DZIP3: variants seen among roughly 807,000 people sequenced by gnomAD.
The protein encoded by DZIP3 is E3 ubiquitin-protein ligase DZIP3.
DZIP3 carries 118 observed loss-of-function variants against 162.0 expected under a neutral mutation model. The observed-to-expected ratio is 0.73, with a 90% confidence interval of 0.63 to 0.85. The LOEUF (loss-of-function observed/expected upper bound fraction) is 0.85. Ranked by LOEUF, DZIP3 falls within the 40% of genes least tolerant of loss-of-function variation. The pLI is 0.00. For missense variants in DZIP3, 1,331 were observed against 1,407.0 expected, an observed-to-expected ratio of 0.95 and a Z score of 0.86; for synonymous variants, 438 against 458.6, an observed-to-expected ratio of 0.96 and a Z score of 0.57.
At chr3:108,609,080 T>C (rs538148451) in intron 3 of DZIP3, among the ~76,000 whole-genome samples, 6 of 152,098 alleles carry the variant, frequency 3.9e-5, no homozygotes, top group Admixed American at 6.6e-5. Flanking sequence ...ACTCTTATCA[T>C]GCGACAGCAC....
intron 3 of DZIP3, among the ~76,000 whole-genome samples, chr3:108,609,268 T>C (rs1940565209): frequency 6.6e-6 from 1 of 152,108 alleles, no homozygotes; most frequent in African/African-American, 2.4e-5. Context: ...GGGGAAAATA[T>C]ATAAACATAA....
intron 19 of DZIP3, among the ~76,000 whole-genome samples, chr3:108,659,434 C>A (rs1031350025): frequency 5.3e-5 from 8 of 152,174 alleles, no homozygotes; most frequent in African/African-American, 1.9e-4. Flanking sequence ...CAAAATTCAA[C>A]AACGCCTTCA....
At position 108,634,955 on chromosome 3, in the gene DZIP3, C is replaced by T; in HGVS notation, c.901C>T (p.Pro301Ser). The change falls in exon 10 of 33, where the codon CCA (proline) becomes TCA (serine). Residue 301 changes from proline (P) to serine (S), a missense_variant. This residue lies in a region of DZIP3 where 1,278 missense variants were observed against 1,317.1 expected (regional missense o/e 0.97). Coordinates refer to ENST00000361582, the MANE Select transcript of DZIP3 (RefSeq NM_014648.4). Reference sequence around the variant, plus strand: ...GAAAAAGTTCAAGAATTTAAAGTATCCAGGTGAAAATGATCAGGTATTATA... The same window carrying T: ...GAAAAAGTTCAAGAATTTAAAGTATTCAGGTGAAAATGATCAGGTATTATA... ...CWKKFKNLKY[P>S]GENDQSFSGK... is the part of the protein sequence containing the mutation. 1 of 1,602,060 alleles carries T rather than the reference C, an allele frequency of 6.2e-7. No individual in the cohort carries two copies. The highest frequency in any genetic ancestry group is 8.5e-7 in the Non-Finnish European group (1 of 1,171,020).
intron 17 of DZIP3, among the ~76,000 whole-genome samples, chr3:108,649,397 A>C (rs1576415043): frequency 6.6e-6 from 1 of 151,874 alleles, no homozygotes; most frequent in East Asian, 1.9e-4. Context: ...TAATGTGCAC[A>C]AAAAGGTACA....
chr3:108,659,458 C>T (rs1202034198), intron 19 of DZIP3, among the ~76,000 whole-genome samples: 2 of 152,184 alleles, frequency 1.3e-5, no homozygotes, highest in African/African-American at 4.8e-5. Flanking sequence ...TAAAAACTCT[C>T]AATAAATTAG....
chr3:108,639,633 G>A (rs1165259788), intron 12 of DZIP3, among the ~76,000 whole-genome samples: 1 of 150,350 alleles, frequency 6.7e-6, no homozygotes, highest in Non-Finnish European at 1.5e-5. Flanking sequence ...TTTCTCTGTA[G>A]CGATGTCACC....
At chr3:108,624,060 T>C (rs556191098) in intron 5 of DZIP3, among the ~76,000 whole-genome samples, 1 of 152,278 alleles carries the variant, frequency 6.6e-6, no homozygotes, top group African/African-American at 2.4e-5. Flanking sequence ...TTCCTTAATA[T>C]GATGTTCAAA....
intron 26 of DZIP3, among the ~76,000 whole-genome samples, chr3:108,682,807 C>A (rs913710036): frequency 6.6e-6 from 1 of 150,572 alleles, no homozygotes; most frequent in Non-Finnish European, 1.5e-5. Context: ...GATGAATATG[C>A]CAATTACCCT....
chr3:108,671,428 T>G (rs144164342), intron 22 of DZIP3, among the ~76,000 whole-genome samples: 3 of 152,010 alleles, frequency 2.0e-5, no homozygotes, highest in Admixed American at 2.0e-4. Flanking sequence ...TTTGTATGCT[T>G]ATAGAATTCT....
At chr3:108,674,554 C>G (rs1414908971) in intron 24 of DZIP3, among the ~76,000 whole-genome samples, 1 of 151,868 alleles carries the variant, frequency 6.6e-6, no homozygotes, top group Non-Finnish European at 1.5e-5. Context: ...CATACGTGAA[C>G]ACCAGATACT....
At chr3:108,612,592 G>C (rs779996111) in intron 4 of DZIP3, among the ~76,000 whole-genome samples, 6 of 152,050 alleles carry the variant, frequency 3.9e-5, no homozygotes, top group Non-Finnish European at 5.9e-5. Flanking sequence ...AAAAATCCAA[G>C]GATGCCCAAG....
In DZIP3 at chr3:108,661,900, A is replaced by T. The variant is rs746708438; in HGVS notation, c.2223A>T (p.Thr741=). The T allele has an allele frequency of 6.2e-7, 1 of 1,613,986 alleles. No homozygotes were observed. Among genetic ancestry groups the T allele is most frequent in the Admixed American group, 1.7e-5 (1 of 60,026 alleles). The change falls in exon 20 of 33, where the codon ACA becomes ACT. Residue 741 remains threonine, a synonymous_variant. Transcript: ENST00000361582. ...AGGGCTCAGCTGGCAAAGTAACTAC[A>T]GACTATGGAGAAACTGAAAAGGAAA... ...IEQGSAGKVT[T]DYGETEKERL...
rs1264635551 is a variant in DZIP3 at position 108,644,036 on chromosome 3, G to A, written c.1142-128G>A. 2.5e-6 allele frequency: 3 copies of A among 1,192,808 alleles called. No homozygotes were observed. In the African/African-American group the frequency reaches 4.6e-5, roughly 18 times the overall value. The allele number at this position is 1,192,808 out of a possible 1,614,324, so 73.9% of individuals were successfully genotyped here. On this transcript the variant is annotated intron_variant, in intron 13 of 32. Transcript: ENST00000361582. ...CTAATTGAGCACTGGCTGTGGCAAAGCACTGTACTATCCTTCATTCTTTTG... is the reference window on the plus strand; with the variant it reads ...CTAATTGAGCACTGGCTGTGGCAAAACACTGTACTATCCTTCATTCTTTTG...
intron 27 of DZIP3, among the ~76,000 whole-genome samples, chr3:108,686,040 C>T (rs1944486502): frequency 6.6e-6 from 1 of 152,104 alleles, no homozygotes; most frequent in South Asian, 2.1e-4. Flanking sequence ...ATTCATTTCT[C>T]TATAGATGTA....
intron 26 of DZIP3, among the ~76,000 whole-genome samples, chr3:108,677,862 T>C (rs1944167963): frequency 6.6e-6 from 1 of 152,034 alleles, no homozygotes; most frequent in Non-Finnish European, 1.5e-5. Context: ...TCACCCTATT[T>C]CACCTACCTT....
At chr3:108,596,122 A>T (rs58370481) in intron 1 of DZIP3, among the ~76,000 whole-genome samples, 2,948 of 152,310 alleles carry the variant, frequency 0.019, 88 homozygotes, top group African/African-American at 0.063. Flanking sequence ...GTACTAATTG[A>T]TGTATGCCAA....
chr3:108,626,608 TCATTTTATTTACTAAGTATC>T (rs1226860509), intron 7 of DZIP3, among the ~76,000 whole-genome samples: 9 of 152,220 alleles, frequency 5.9e-5, no homozygotes, highest in Non-Finnish European at 1.3e-4. Flanking sequence ...CATCATTCAT[TCATTTTATTTACTAAGTATC>T]CATTATATTC....
rs546671402 is a variant in DZIP3, at chr3:108,645,984, A to C, written c.1760-633A>C. ...ATTCAAAGCATTTTAAGCAGTTCTT[A>C]CTCAAGTACACTGAAGAGCTTATTG... On this transcript the variant is annotated intron_variant, in intron 14 of 32. Transcript: ENST00000361582. Among the ~76,000 whole-genome samples the C allele has an allele frequency of 3.3e-5, 5 of 152,310 alleles. No homozygotes were observed. The East Asian group carries it at 9.6e-4, about 29-fold the overall frequency.
At position 108,608,073 on chromosome 3, in the gene DZIP3, T is replaced by C. The variant is rs1459454696; in HGVS notation, c.33-16T>C. 1.2e-6 allele frequency: 2 copies of C among 1,604,044 alleles called. No homozygotes were observed. The highest frequency in any genetic ancestry group is 1.7e-5 in the Admixed American group (1 of 59,434). ...GAGAAGATGCTCTTAATATACCTCA[T>C]TTTCATTTAAAATAGGCATCCTGCT... On this transcript the variant is annotated splice_polypyrimidine_tract_variant and intron_variant, in intron 2 of 32. Coordinates refer to ENST00000361582, the MANE Select transcript of DZIP3 (RefSeq NM_014648.4).
Sources: allele counts gnomAD v4.1 joint callset (sites outside exome capture counted in the v4.1 genomes callset), GRCh38; gene constraint gnomAD v4.1.1; regional missense constraint gnomAD v4.1.1; transcripts MANE v1.5; gene names NCBI Gene and HGNC (gene_info 2026-07-23, HGNC 2026-07-21).